RAD51B: variants seen among roughly 807,000 people sequenced by gnomAD.
RAD51B encodes the protein DNA repair protein RAD51 homolog 2.
Under a neutral mutation model 42.2 loss-of-function variants are expected in RAD51B, and 38 were observed. That is an observed-to-expected ratio of 0.90 (90% CI 0.70 to 1.18). The LOEUF (loss-of-function observed/expected upper bound fraction) is 1.18, where lower values mean the gene tolerates loss of function less well. Ranked by LOEUF, RAD51B falls within the 50% of genes most tolerant of loss-of-function variation. The pLI is 0.00. For missense variants in RAD51B, 373 were observed against 400.7 expected (o/e 0.93, Z 0.59); for synonymous variants, 154 against 145.2 (o/e 1.06, Z -0.43).
At chr14:68,216,704 G>A (rs990036978) in intron 7 of RAD51B, among the ~76,000 whole-genome samples, 2 of 152,062 alleles carry the variant, frequency 1.3e-5, no homozygotes, top group African/African-American at 4.8e-5. Flanking sequence ...GTATTTCAAA[G>A]TATATATAAT....
intron 4 of RAD51B, among the ~76,000 whole-genome samples, chr14:67,841,114 A>G (rs1250983473): frequency 6.6e-6 from 1 of 152,204 alleles, no homozygotes; most frequent in Admixed American, 6.5e-5. Context: ...TGACTTCTTA[A>G]TAATAGCCAT....
intron 10 of RAD51B, among the ~76,000 whole-genome samples, chr14:68,494,524 G>A (rs908918781): frequency 6.6e-6 from 1 of 152,114 alleles, no homozygotes; most frequent in African/African-American, 2.4e-5. Flanking sequence ...GGTGAACTGG[G>A]GCAGCACCAC....
At chr14:68,150,873 TA>T (rs2078364035) in intron 7 of RAD51B, among the ~76,000 whole-genome samples, 2 of 152,202 alleles carry the variant, frequency 1.3e-5, no homozygotes, top group Non-Finnish European at 2.9e-5. Flanking sequence ...GTAGTTGTCA[TA>T]CATTTTACTT....
chr14:68,508,615 A>G (rs1594926187), intron 10 of RAD51B, among the ~76,000 whole-genome samples: 1 of 152,046 alleles, frequency 6.6e-6, no homozygotes. Context: ...CCCTGTCTGG[A>G]AGGGTCTCCA....
At chr14:68,222,582 C>G (rs935659424) in intron 7 of RAD51B, among the ~76,000 whole-genome samples, 2 of 152,078 alleles carry the variant, frequency 1.3e-5, no homozygotes, top group African/African-American at 4.8e-5. Context: ...GTGTACACTG[C>G]TTGGGTGATG....
Position 67,825,565 on chromosome 14 carries a change from A to T in RAD51B, c.186A>T (p.Pro62=), listed in dbSNP as rs1380415635. 1.9e-6 allele frequency: 3 copies of T among 1,600,954 alleles called. No homozygotes were observed. The highest frequency in any genetic ancestry group is 2.6e-6 in the Non-Finnish European group (3 of 1,170,320). ...GTATGGTCAGCAGGGCCTGTGCCCC[A>T]AAGATGCAAACGGTATATTTATATT... ...LLCMVSRACA[P]KMQTAYGIKA... Residue 62 remains proline (P), a synonymous_variant, in exon 3 of 11, where the codon CCA becomes CCT. Coordinates refer to ENST00000471583, the MANE Select transcript of RAD51B (RefSeq NM_133510.4).
At chr14:67,923,120 G>A (rs915052096) in intron 7 of RAD51B, among the ~76,000 whole-genome samples, 10 of 152,130 alleles carry the variant, frequency 6.6e-5, no homozygotes, top group African/African-American at 2.4e-4. Flanking sequence ...AACATACAAC[G>A]TTTGGTTTTC....
chr14:68,544,565 G>A (rs1394014037), intron 10 of RAD51B, among the ~76,000 whole-genome samples: 1 of 152,206 alleles, frequency 6.6e-6, no homozygotes, highest in Non-Finnish European at 1.5e-5. Flanking sequence ...AAATAAGACT[G>A]TCAAGAAAAA....
intron 7 of RAD51B, among the ~76,000 whole-genome samples, chr14:68,086,224 C>G (rs2140501893): frequency 6.6e-6 from 1 of 152,292 alleles, no homozygotes; most frequent in South Asian, 2.1e-4. Context: ...GGCCGGGGCT[C>G]TCCAACGACT....
chr14:68,483,139 C>A (rs1883334913), intron 10 of RAD51B, among the ~76,000 whole-genome samples: 1 of 152,188 alleles, frequency 6.6e-6, no homozygotes, highest in African/African-American at 2.4e-5. Context: ...CCTGGCCATG[C>A]AGCCACTCCT....
In RAD51B at chr14:68,470,994, A is replaced by T. The variant is rs1207440305; in HGVS notation, c.1036+2744A>T. On this transcript the variant is annotated intron_variant, in intron 10 of 10. Coordinates refer to ENST00000471583, the MANE Select transcript of RAD51B (RefSeq NM_133510.4). ...CTAAAAGACACCTGCATGATTCCCC[A>T]GGTTTAAAGCAAAGAAACCCTTGGT... 2.0e-5 allele frequency among the ~76,000 whole-genome samples: 3 copies of T among 152,184 alleles called. No homozygotes were observed. In the East Asian group the frequency reaches 5.8e-4, roughly 29 times the overall value.
intron 7 of RAD51B, among the ~76,000 whole-genome samples, chr14:67,968,106 C>T (rs10146113): frequency 1.1e-4 from 17 of 152,306 alleles, no homozygotes; most frequent in South Asian, 8.3e-4. Context: ...TGAAACTATG[C>T]GCTGAGCTGT....
intron 7 of RAD51B, among the ~76,000 whole-genome samples, chr14:68,179,632 A>G (rs568050596): frequency 6.6e-6 from 1 of 152,328 alleles, no homozygotes; most frequent in East Asian, 1.9e-4. Flanking sequence ...CATAATACAC[A>G]TAGAAATTGA....
chr14:68,146,669 C>T (rs1272414012), intron 7 of RAD51B, among the ~76,000 whole-genome samples: 3 of 152,176 alleles, frequency 2.0e-5, no homozygotes, highest in African/African-American at 4.8e-5. Context: ...GTACCTAACA[C>T]GTAGTGGATC....
At chr14:68,244,333 T>G (rs767243219) in intron 7 of RAD51B, among the ~76,000 whole-genome samples, 4 of 152,194 alleles carry the variant, frequency 2.6e-5, no homozygotes, top group Non-Finnish European at 5.9e-5. Flanking sequence ...TGGTAAAGAA[T>G]ACGCCCAAGA....
At chr14:67,827,165 A>G (rs950074994) in intron 3 of RAD51B, among the ~76,000 whole-genome samples, 1 of 152,356 alleles carries the variant, frequency 6.6e-6, no homozygotes. Context: ...AATACTATGC[A>G]ATGATTCTGT....
At chr14:68,156,489 C>CTCTCTG (rs1391814826) in intron 7 of RAD51B, among the ~76,000 whole-genome samples, 1 of 150,684 alleles carries the variant, frequency 6.6e-6, no homozygotes, top group Non-Finnish European at 1.5e-5. Flanking sequence ...CTCTCTCTCT[C>CTCTCTG]TCTCTCTGCC....
intron 7 of RAD51B, 124 bp downstream of exon 7, chr14:67,887,328 G>T (rs1225198123): frequency 8.8e-6 from 7 of 793,036 alleles, no homozygotes; most frequent in Non-Finnish European, 1.2e-5. Flanking sequence ...ACTTTTTAAA[G>T]GTAGTACAGT....
chr14:67,954,711 A>G (rs564888357), intron 7 of RAD51B, among the ~76,000 whole-genome samples: 5 of 152,314 alleles, frequency 3.3e-5, no homozygotes, highest in African/African-American at 1.2e-4. Context: ...TAGAGATGAA[A>G]TGTTAGCTAT....
Sources: allele counts gnomAD v4.1 joint callset (sites outside exome capture counted in the v4.1 genomes callset), GRCh38; gene constraint gnomAD v4.1.1; transcripts MANE v1.5; gene names NCBI Gene and HGNC (gene_info 2026-07-23, HGNC 2026-07-21).